CACNA1C: variants seen among roughly 807,000 people sequenced by gnomAD.
CACNA1C encodes the protein calcium voltage-gated channel subunit alpha1 C, also known as voltage-dependent L-type calcium channel subunit alpha-1C.
CACNA1C carries 30 observed loss-of-function variants against 229.0 expected under a neutral mutation model. That is an observed-to-expected ratio of 0.13 (90% CI 0.10 to 0.18). The LOEUF (loss-of-function observed/expected upper bound fraction) is 0.18. Ranked by LOEUF, CACNA1C falls within the 10% of genes least tolerant of loss-of-function variation. The probability of loss-of-function intolerance (pLI) is 1.00; values close to 1 mark genes in which losing one functional copy is unlikely to be tolerated. For synonymous variants in CACNA1C, 1,114 were observed against 1,132.5 expected (o/e 0.98, Z 0.33); for missense variants, 1,658 against 2,845.0 (o/e 0.58, Z 9.49).
At chr12:2,148,043 A>G (rs2094885424) in intron 3 of CACNA1C, among the ~76,000 whole-genome samples, 1 of 151,318 alleles carries the variant, frequency 6.6e-6, no homozygotes, top group Non-Finnish European at 1.5e-5. Flanking sequence ...GCACACTTAT[A>G]TAAAACCTGT....
chr12:2,680,389 G>T lies in CACNA1C; in HGVS notation c.5444+593G>T. On this transcript the variant is annotated intron_variant, in intron 42 of 46. Coordinates refer to ENST00000399655, the MANE Select transcript of CACNA1C (RefSeq NM_000719.7). ...ATGCACTGCTGTGACATGCTGGATG[G>T]TGGGACCTTCCCTCCCGCCCTGGGC... 14 of 1,558,318 alleles carry T rather than the reference G, an allele frequency of 9.0e-6. No individual in the cohort carries two copies. Among genetic ancestry groups the T allele is most frequent in the Non-Finnish European group, 1.2e-5 (14 of 1,150,458 alleles).
At chr12:1,973,050 T>G (rs935478372) in intron 1 of CACNA1C, among the ~76,000 whole-genome samples, 7 of 152,250 alleles carry the variant, frequency 4.6e-5, no homozygotes, top group African/African-American at 9.6e-5. Flanking sequence ...AATGCTTTCC[T>G]CCGGCATGTT....
intron 1 of CACNA1C, among the ~76,000 whole-genome samples, chr12:2,062,835 T>C (rs1462231868): frequency 2.6e-5 from 4 of 152,196 alleles, no homozygotes; most frequent in Admixed American, 2.6e-4. Context: ...ATAGACACTC[T>C]CCATTCTCAA....
chr12:2,121,665 C>T (rs1206750191), intron 3 of CACNA1C, among the ~76,000 whole-genome samples: 7 of 152,144 alleles, frequency 4.6e-5, no homozygotes, highest in East Asian at 1.9e-4. Context: ...TGAGGCCATC[C>T]GAAGCGTGAC....
Position 2,512,721 on chromosome 12 carries a change from T to A in CACNA1C, c.1218-91T>A. On this transcript the variant is annotated intron_variant, in intron 8 of 46. Coordinates refer to ENST00000399655, the MANE Select transcript of CACNA1C (RefSeq NM_000719.7). This position sits in a 1 kb window ranked among gnomAD's most constrained non-coding sequence, Gnocchi z 4.3. ...AGCAATTAAGACTCTTGTTTCTCCT[T>A]ATCTCCATCTCTCCTTCCATCCTCG... 1.0e-6 allele frequency: 1 copy of A among 970,936 alleles called. No homozygotes were observed. The highest frequency in any genetic ancestry group is 1.9e-5 in the South Asian group (1 of 51,754). 60.1% of individuals were successfully genotyped at this position (970,936 alleles called of 1,614,324 possible). A position where few individuals can be genotyped will look rare whatever the true frequency, so the allele number is the denominator to read the frequency against.
chr12:2,049,803 G>A (rs1042313093), upstream of CACNA1C, among the ~76,000 whole-genome samples: 14 of 152,118 alleles, frequency 9.2e-5, no homozygotes, highest in African/African-American at 2.7e-4. Flanking sequence ...TCCCCAAATC[G>A]GAATTCACAA....
chr12:2,339,417 A>G (rs763056744), intron 3 of CACNA1C, among the ~76,000 whole-genome samples: 1 of 152,252 alleles, frequency 6.6e-6, no homozygotes, highest in South Asian at 2.1e-4. Context: ...CAGTGGACTT[A>G]GGCTACACTA....
At chr12:2,117,533 A>C (rs10848617) in intron 2 of CACNA1C, among the ~76,000 whole-genome samples, 106,411 of 152,188 alleles carry the variant, frequency 0.7, 37,396 homozygotes, top group East Asian at 0.73. Flanking sequence ...CCCAGAGAAG[A>C]CAAAGGGCTT....
rs1050195906 is a variant in CACNA1C, at chr12:2,332,467, A to G, written c.478-116509A>G. On this transcript the variant is annotated intron_variant, in intron 3 of 46. Coordinates refer to ENST00000399655, the MANE Select transcript of CACNA1C (RefSeq NM_000719.7). ...GCAGGAACTCCTAAACCCTAGCCAC[A>G]GGAAAGACTTGGCCAGACTTTTCTG... 5.9e-5 allele frequency among the ~76,000 whole-genome samples: 9 copies of G among 152,368 alleles called. No individual in the cohort carries two copies. The East Asian group carries it at 1.5e-3, about 26-fold the overall frequency.
At chr12:2,518,825 AGATC>A (rs1568181080) in intron 9 of CACNA1C, among the ~76,000 whole-genome samples, 1 of 152,214 alleles carries the variant, frequency 6.6e-6, no homozygotes, top group African/African-American at 2.4e-5. Flanking sequence ...AAGTGAGAGC[AGATC>A]CTTAAGGCAG....
chr12:2,419,623 G>T (rs1363405266), intron 3 of CACNA1C, among the ~76,000 whole-genome samples: 1 of 152,186 alleles, frequency 6.6e-6, no homozygotes, highest in African/African-American at 2.4e-5. Flanking sequence ...AGTCCAGAAT[G>T]TTCCAAATAA....
At chr12:2,476,910 C>G (rs563551275) in intron 5 of CACNA1C, among the ~76,000 whole-genome samples, 1 of 152,278 alleles carries the variant, frequency 6.6e-6, no homozygotes, top group East Asian at 1.9e-4. Context: ...GAAAGCTATC[C>G]AGGCAATAGT....
At chr12:2,085,631 T>C (rs2067292099) in intron 1 of CACNA1C, among the ~76,000 whole-genome samples, 1 of 152,174 alleles carries the variant, frequency 6.6e-6, no homozygotes, top group African/African-American at 2.4e-5. Context: ...AATACACCCC[T>C]CGGACTCTGA....
At chr12:2,311,366 T>C (rs1264164427) in intron 3 of CACNA1C, among the ~76,000 whole-genome samples, 1 of 152,210 alleles carries the variant, frequency 6.6e-6, no homozygotes, top group Non-Finnish European at 1.5e-5. Context: ...AGCAGCCCTG[T>C]ATTCTCTAAG....
intron 1 of CACNA1C, chr12:1,997,825 C>A (rs767376481): frequency 1.1e-5 from 10 of 911,112 alleles, no homozygotes; most frequent in South Asian, 3.2e-5. Context: ...AGATTTAATT[C>A]TTTTACTTCT....
chr12:2,410,227 G>A lies in CACNA1C; in HGVS notation c.478-38749G>A. Among the ~76,000 whole-genome samples, 1 of 152,174 alleles carries A rather than the reference G, an allele frequency of 6.6e-6. No individual in the cohort carries two copies. The highest frequency in any genetic ancestry group is 2.1e-4 in the South Asian group (1 of 4,824). On this transcript the variant is annotated intron_variant, in intron 3 of 46. Transcript: ENST00000399655. The surrounding 1 kb of genome is among the most constrained non-coding windows in gnomAD (Gnocchi z 5.3). ...AGGCTTGGCCAGTCGTGATGCCTAT[G>A]GCGACCGCAGAATCGACCTCAACGA...
At chr12:2,528,934 C>T (rs1240583485) in intron 9 of CACNA1C, among the ~76,000 whole-genome samples, 1 of 152,104 alleles carries the variant, frequency 6.6e-6, no homozygotes, top group Admixed American at 6.5e-5. Context: ...TCACGCAGGC[C>T]CAGTTGGAGG....
At chr12:2,102,051 GAGAATACAGT>G (rs1422377235) in intron 1 of CACNA1C, among the ~76,000 whole-genome samples, 1 of 152,206 alleles carries the variant, frequency 6.6e-6, no homozygotes, top group Non-Finnish European at 1.5e-5. Flanking sequence ...CCTGGGCTCT[GAGAATACAGT>G]GGTGCAAAAC....
chr12:2,202,903 C>G (rs538275041), intron 3 of CACNA1C, among the ~76,000 whole-genome samples: 26 of 152,266 alleles, frequency 1.7e-4, no homozygotes, highest in Admixed American at 4.6e-4. Flanking sequence ...AGTCTGCATC[C>G]AAGGAGAGGA....
Sources: allele counts gnomAD v4.1 joint callset (sites outside exome capture counted in the v4.1 genomes callset), GRCh38; gene constraint gnomAD v4.1.1; non-coding constraint Gnocchi (gnomAD v3.1); transcripts MANE v1.5; gene names NCBI Gene and HGNC (gene_info 2026-07-23, HGNC 2026-07-21).